MLXIP: variants seen among roughly 807,000 people sequenced by gnomAD.
MLXIP encodes MLX interacting protein.
MLXIP carries 30 observed loss-of-function variants against 87.2 expected under a neutral mutation model. That is an observed-to-expected ratio of 0.34 (90% confidence interval 0.26 to 0.47). MLXIP has a LOEUF of 0.47. Among genes scored for constraint, MLXIP ranks in the 20% least tolerant of loss-of-function variants. MLXIP has a pLI of 1.00. For synonymous variants in MLXIP, 530 were observed against 514.0 expected (o/e 1.03, Z -0.42); for missense variants, 1,002 against 1,240.1 (o/e 0.81, Z 2.88).
chr12:122,139,717 G>C (rs1953163427), intron 15 of MLXIP, among the ~76,000 whole-genome samples: 1 of 152,202 alleles, frequency 6.6e-6, no homozygotes, highest in Non-Finnish European at 1.5e-5. Context: ...CTGTCACCCA[G>C]GCTGGAGTGC....
At chr12:122,101,800 C>T (rs1294007616) in intron 1 of MLXIP, among the ~76,000 whole-genome samples, 1 of 152,024 alleles carries the variant, frequency 6.6e-6, no homozygotes, top group Admixed American at 6.6e-5. Context: ...AGGCTGGTCT[C>T]GAACTCCTGA....
rs566779783 is a variant in MLXIP at position 122,118,094 on chromosome 12, C to T, written c.414-9162C>T. ...CTACCTGAACATAAGCACTGTGATACCACAACCATGGATCTGATCACTGAG... is the reference window on the plus strand; with the variant it reads ...CTACCTGAACATAAGCACTGTGATATCACAACCATGGATCTGATCACTGAG... On this transcript the variant is annotated intron_variant, in intron 1 of 16. Transcript: ENST00000319080. 9.2e-5 allele frequency among the ~76,000 whole-genome samples: 14 copies of T among 152,206 alleles called. No homozygotes were observed. The South Asian group carries it at 2.9e-3, about 32-fold the overall frequency.
intron 1 of MLXIP, among the ~76,000 whole-genome samples, chr12:122,082,225 G>T (rs575821307): frequency 6.6e-6 from 1 of 152,310 alleles, no homozygotes; most frequent in South Asian, 2.1e-4. Flanking sequence ...GGGATTCCTT[G>T]TCCTTCTCAC....
At chr12:122,130,778 C>A in intron 6 of MLXIP, 66 bp from the exon 7 acceptor site, 2 of 1,181,246 alleles carry the variant, frequency 1.7e-6, no homozygotes, top group Non-Finnish European at 2.5e-6. Context: ...TGTTCCAGGC[C>A]TTTTTTACGT....
intron 1 of MLXIP, among the ~76,000 whole-genome samples, chr12:122,101,248 G>A (rs940886781): frequency 2.0e-5 from 3 of 152,102 alleles, no homozygotes; most frequent in Non-Finnish European, 4.4e-5. Context: ...GTCAAATGCA[G>A]GATTCAGACA....
intron 1 of MLXIP, among the ~76,000 whole-genome samples, chr12:122,081,573 A>G (rs190134169): frequency 2.4e-4 from 36 of 152,338 alleles, no homozygotes; most frequent in Non-Finnish European, 4.7e-4. Flanking sequence ...CTGTAGTCCC[A>G]GCACTTTGGG....
In MLXIP at chr12:122,133,146, A is replaced by C; in HGVS notation, c.1093-202A>C. The C allele has an allele frequency of 1.9e-6, 1 of 520,840 alleles. No individual in the cohort carries two copies. Among genetic ancestry groups the C allele is most frequent in the South Asian group, 4.1e-5 (1 of 24,494 alleles). 32.3% of individuals were successfully genotyped at this position (520,840 alleles called of 1,614,324 possible). ...GCCTTATCTGAGCTCTGAGTTATTT[A>C]GTTTTTAATGGAAACAAGACCCCCG... On this transcript the variant is annotated intron_variant, in intron 8 of 16. Coordinates refer to ENST00000319080, the MANE Select transcript of MLXIP (RefSeq NM_014938.6). The surrounding 1 kb of genome is among the most constrained non-coding windows in gnomAD (Gnocchi z 4.9).
At chr12:122,094,129 TGTGTGTGGG>T (rs1332623592) in intron 1 of MLXIP, among the ~76,000 whole-genome samples, 1 of 98,346 alleles carries the variant, frequency 1.0e-5, no homozygotes, top group African/African-American at 3.0e-5. Flanking sequence ...TGTGTTGGTA[TGTGTGTGGG>T]GTGTGTGGGA....
At chr12:122,096,687 G>A (rs1442914341) in intron 1 of MLXIP, among the ~76,000 whole-genome samples, 2 of 152,204 alleles carry the variant, frequency 1.3e-5, no homozygotes, top group African/African-American at 2.4e-5. Flanking sequence ...GGGGTAGAAC[G>A]CACAGTCAGC....
At position 122,142,158 on chromosome 12, in the gene MLXIP, C is replaced by G. The variant is rs1200988353; in HGVS notation, c.*346C>G. The G allele has an allele frequency of 1.1e-5, 8 of 701,298 alleles. No individual in the cohort carries two copies. Among genetic ancestry groups the G allele is most frequent in the Non-Finnish European group, 2.1e-5 (8 of 384,774 alleles). The allele number at this position is 701,298 out of a possible 1,614,324, so 43.4% of individuals were successfully genotyped here. ...CGGGCCTGGCGCCGGTGAGCGGAATCGATGGGATGAGGGTGACAGGGCCTG... is the reference window on the plus strand; with the variant it reads ...CGGGCCTGGCGCCGGTGAGCGGAATGGATGGGATGAGGGTGACAGGGCCTG... On this transcript the variant is annotated 3_prime_UTR_variant, in exon 17 of 17. Coordinates refer to ENST00000319080, the MANE Select transcript of MLXIP (RefSeq NM_014938.6).
chr12:122,078,838 C>G lies in MLXIP; in HGVS notation c.-16C>G. 2 of 1,061,384 alleles carry G rather than the reference C, an allele frequency of 1.9e-6. No individual in the cohort carries two copies. Among genetic ancestry groups the G allele is most frequent in the Non-Finnish European group, 1.1e-6 (1 of 879,642 alleles). 65.7% of individuals were successfully genotyped at this position (1,061,384 alleles called of 1,614,324 possible). ...TGCCCCGGGCTCCGGGGGATGCCCC[C>G]GGCCGAGCCCTTCTCATGGCCGCCG... On this transcript the variant is annotated 5_prime_UTR_variant, in exon 1 of 17. Transcript: ENST00000319080.
intron 1 of MLXIP, among the ~76,000 whole-genome samples, chr12:122,117,242 C>T (rs569084754): frequency 1.3e-5 from 2 of 152,336 alleles, no homozygotes; most frequent in African/African-American, 4.8e-5. Flanking sequence ...AAGAGATCCA[C>T]GAGGAGGATG....
rs1953010504 is a variant in MLXIP, at chr12:122,133,175, A to G, written c.1093-173A>G. 2 of 644,826 alleles carry G rather than the reference A, an allele frequency of 3.1e-6. No individual in the cohort carries two copies. Among genetic ancestry groups the G allele is most frequent in the Non-Finnish European group, 2.5e-6 (1 of 406,806 alleles). The allele number at this position is 644,826 out of a possible 1,614,324, so 39.9% of individuals were successfully genotyped here. A position where few individuals can be genotyped will look rare whatever the true frequency, so the allele number is the denominator to read the frequency against. On this transcript the variant is annotated intron_variant, in intron 8 of 16. Transcript: ENST00000319080. This position sits in a 1 kb window ranked among gnomAD's most constrained non-coding sequence, Gnocchi z 4.9. Reference sequence around the variant, plus strand: ...TTTAATGGAAACAAGACCCCCGCAGACACGCAGGGAAACACAAATCCCTAT... The same window carrying G: ...TTTAATGGAAACAAGACCCCCGCAGGCACGCAGGGAAACACAAATCCCTAT...
chr12:122,083,014 G>A (rs1333162447), intron 1 of MLXIP, among the ~76,000 whole-genome samples: 1 of 152,090 alleles, frequency 6.6e-6, no homozygotes, highest in Non-Finnish European at 1.5e-5. Context: ...GATATGGGGT[G>A]TTGCTATGCT....
intron 1 of MLXIP, among the ~76,000 whole-genome samples, chr12:122,104,249 A>G (rs762316728): frequency 3.9e-5 from 6 of 152,196 alleles, no homozygotes; most frequent in Non-Finnish European, 7.3e-5. Context: ...GACCACTGCA[A>G]TCAATATACA....
At chr12:122,087,826 C>T (rs1012398088) in intron 1 of MLXIP, among the ~76,000 whole-genome samples, 1 of 152,164 alleles carries the variant, frequency 6.6e-6, no homozygotes, top group Non-Finnish European at 1.5e-5. Flanking sequence ...AGGACGGTAG[C>T]AGCGAGGTGG....
intron 15 of MLXIP, among the ~76,000 whole-genome samples, chr12:122,139,293 C>T (rs1051503524): frequency 6.6e-6 from 1 of 152,230 alleles, no homozygotes; most frequent in South Asian, 2.1e-4. Flanking sequence ...GTCCTCGAAG[C>T]CACAGGGAGG....
intron 1 of MLXIP, among the ~76,000 whole-genome samples, chr12:122,117,251 T>C (rs1952706192): frequency 6.6e-6 from 1 of 152,236 alleles, no homozygotes; most frequent in African/African-American, 2.4e-5. Flanking sequence ...ACGAGGAGGA[T>C]GGAGCAGGAC....
intron 1 of MLXIP, among the ~76,000 whole-genome samples, chr12:122,112,934 G>A (rs938251603): frequency 6.6e-6 from 1 of 151,682 alleles, no homozygotes; most frequent in Non-Finnish European, 1.5e-5. Context: ...CTTAGGCTAG[G>A]AAAAGCCTTG....
Sources: allele counts gnomAD v4.1 joint callset (sites outside exome capture counted in the v4.1 genomes callset), GRCh38; gene constraint gnomAD v4.1.1; non-coding constraint Gnocchi (gnomAD v3.1); transcripts MANE v1.5; gene names NCBI Gene and HGNC (gene_info 2026-07-23, HGNC 2026-07-21).